Variants in NCAM1 observed in about 807,000 individuals in gnomAD.
NCAM1 encodes neural cell adhesion molecule 1.
A neutral mutation model predicts 109.8 loss-of-function variants in NCAM1; 14 were observed. The observed-to-expected ratio is 0.13, with a 90% CI of 0.08 to 0.20. The LOEUF (loss-of-function observed/expected upper bound fraction) is 0.20, where lower values mean the gene tolerates loss of function less well. Ranked by LOEUF, NCAM1 falls within the 10% of genes least tolerant of loss-of-function variation. The pLI is 1.00. For synonymous variants in NCAM1, 418 were observed against 442.9 expected, an observed-to-expected ratio of 0.94 and a Z score of 0.70; for missense variants, 774 against 1,109.9, an observed-to-expected ratio of 0.70 and a Z score of 4.30.
Position 113,231,681 on chromosome 11 carries a change from C to T in NCAM1, c.1126C>T (p.Arg376Cys), listed in dbSNP as rs974871438. ...DGHMVVRSHA[R>C]VSSLTLKSIQ... ...GCACATGGTGGTGCGTAGCCATGCCCGTGTGTCGTCGCTGACCCTGAAGAG... is the reference window on the plus strand; with the variant it reads ...GCACATGGTGGTGCGTAGCCATGCCTGTGTGTCGTCGCTGACCCTGAAGAG... The change falls in exon 10 of 20, where the codon CGT (arginine) becomes TGT (cysteine). Residue 376 changes from arginine to cysteine, a missense_variant. By Grantham distance (180) the Arg-to-Cys change is radical. Transcript: ENST00000316851. 8 of 1,613,786 alleles carry T rather than the reference C, an allele frequency of 5.0e-6. No individual in the cohort carries two copies. Among genetic ancestry groups the T allele is most frequent in the South Asian group, 1.1e-5 (1 of 91,074 alleles).
chr11:113,160,196 T>G (rs1942553702), intron 1 of NCAM1, among the ~76,000 whole-genome samples: 1 of 152,144 alleles, frequency 6.6e-6, no homozygotes, highest in Non-Finnish European at 1.5e-5. Context: ...CTGAGCTTCC[T>G]AGGGCAGTCT....
intron 1 of NCAM1, among the ~76,000 whole-genome samples, chr11:113,013,160 C>T (rs185206842): frequency 1.3e-5 from 2 of 152,080 alleles, no homozygotes; most frequent in East Asian, 1.9e-4. Flanking sequence ...GGTGCAGAGG[C>T]TCACACCTGT....
chr11:113,192,498 A>G (rs1943712453), intron 1 of NCAM1, among the ~76,000 whole-genome samples: 1 of 152,180 alleles, frequency 6.6e-6, no homozygotes, highest in South Asian at 2.1e-4. Flanking sequence ...GAGGCACTGG[A>G]TGGATTAATC....
chr11:113,096,176 C>T (rs1485127366), intron 1 of NCAM1, among the ~76,000 whole-genome samples: 1 of 152,050 alleles, frequency 6.6e-6, no homozygotes, highest in African/African-American at 2.4e-5. Flanking sequence ...GAGAAGTGGG[C>T]ACTTACCTAA....
intron 1 of NCAM1, among the ~76,000 whole-genome samples, chr11:113,184,684 T>C (rs1164575912): frequency 6.6e-6 from 1 of 152,134 alleles, no homozygotes; most frequent in East Asian, 1.9e-4. Flanking sequence ...CTGTGGGAGC[T>C]TTGGACATGA....
At chr11:113,056,467 A>G (rs1555082594) in intron 1 of NCAM1, among the ~76,000 whole-genome samples, 1 of 152,228 alleles carries the variant, frequency 6.6e-6, no homozygotes, top group Non-Finnish European at 1.5e-5. Context: ...TGATCATTAC[A>G]CATTGTATTC....
At chr11:113,253,963 C>T (rs1010924719) in intron 15 of NCAM1, among the ~76,000 whole-genome samples, 12 of 152,188 alleles carry the variant, frequency 7.9e-5, no homozygotes, top group African/African-American at 2.4e-4. Flanking sequence ...GAGTTGGTCA[C>T]CCCAATTTAA....
intron 1 of NCAM1, among the ~76,000 whole-genome samples, chr11:113,158,462 G>A (rs1258933418): frequency 1.3e-5 from 2 of 152,220 alleles, no homozygotes; most frequent in African/African-American, 2.4e-5. Context: ...CACAGCAGAA[G>A]TGCTCTATTC....
rs1555127076 is a variant in NCAM1, at chr11:113,278,157, A to ACTC, written c.*2771_*2773dup. 1 of 152,048 alleles carries ACTC rather than the reference A, an allele frequency of 6.6e-6. No individual in the cohort carries two copies. The highest frequency in any genetic ancestry group is 6.6e-5 in the Admixed American group (1 of 15,262). 9.4% of individuals were successfully genotyped at this position (152,048 alleles called of 1,614,324 possible). Reference sequence around the variant, plus strand: ...TATATAGTGCAGCTTTGGAGGTGGAACTCTATTTTCACACTTTTCTATGGA... The same window carrying ACTC: ...TATATAGTGCAGCTTTGGAGGTGGAACTCCTCTATTTTCACACTTTTCTATGGA... On this transcript the variant is annotated 3_prime_UTR_variant, in exon 20 of 20. Transcript: ENST00000316851.
At chr11:112,968,605 C>T (rs182897976) in intron 1 of NCAM1, among the ~76,000 whole-genome samples, 51 of 152,248 alleles carry the variant, frequency 3.3e-4, no homozygotes, top group Admixed American at 2.9e-3. Flanking sequence ...AAACGTACAT[C>T]GTCCCTGTTT....
chr11:113,041,469 C>A (rs1953069223), intron 1 of NCAM1, among the ~76,000 whole-genome samples: 1 of 151,072 alleles, frequency 6.6e-6, no homozygotes, highest in African/African-American at 2.4e-5. Context: ...GGGTAGCATG[C>A]TGGTATATAG....
At chr11:113,086,329 T>C (rs1253808462) in intron 1 of NCAM1, among the ~76,000 whole-genome samples, 2 of 152,236 alleles carry the variant, frequency 1.3e-5, no homozygotes, top group Non-Finnish European at 2.9e-5. Flanking sequence ...ATGCTTTTGG[T>C]GAACATTTTT....
chr11:113,193,852 A>G (rs782807332), intron 1 of NCAM1, among the ~76,000 whole-genome samples: 10 of 152,150 alleles, frequency 6.6e-5, no homozygotes, highest in Non-Finnish European at 4.4e-5. Context: ...AACCAGAAGC[A>G]CAGGATGCTG....
chr11:113,229,694 C>T (rs187844432), intron 9 of NCAM1, among the ~76,000 whole-genome samples: 2 of 152,310 alleles, frequency 1.3e-5, no homozygotes, highest in African/African-American at 4.8e-5. Flanking sequence ...AAATGTCCAT[C>T]AATGACAGAC....
intron 1 of NCAM1, among the ~76,000 whole-genome samples, chr11:112,976,733 A>T (rs1360292545): frequency 6.6e-6 from 1 of 151,914 alleles, no homozygotes; most frequent in African/African-American, 2.4e-5. Context: ...TTAGACCATG[A>T]TAGGTATTGA....
chr11:113,235,201 CCTT>C lies in NCAM1; in HGVS notation c.1825+43_1825+45del, dbSNP rs1555118047. 4.3e-6 allele frequency: 7 copies of C among 1,613,632 alleles called. No homozygotes were observed. The East Asian group carries it at 6.7e-5, about 15-fold the overall frequency. ...CAGCTGCCCCCCTTTTCCCAGCCCA[CCTT>C]CTTCTCCCTGGGGGCAGTGGGGAAC... On this transcript the variant is annotated intron_variant, in intron 14 of 19. Transcript: ENST00000316851.
intron 1 of NCAM1, among the ~76,000 whole-genome samples, chr11:113,184,496 C>T (rs1943433205): frequency 6.6e-6 from 1 of 152,154 alleles, no homozygotes; most frequent in Admixed American, 6.5e-5. Flanking sequence ...TGATTTATAG[C>T]TAACTCAGAA....
chr11:113,043,890 C>T (rs782508104), intron 1 of NCAM1, among the ~76,000 whole-genome samples: 163 of 152,070 alleles, frequency 1.1e-3, no homozygotes, highest in African/African-American at 3.8e-3. Context: ...TCTGCAGGTG[C>T]TCTGCAAGTG....
At chr11:113,020,151 A>G (rs1202793292) in intron 1 of NCAM1, among the ~76,000 whole-genome samples, 2 of 152,180 alleles carry the variant, frequency 1.3e-5, no homozygotes, top group Admixed American at 1.3e-4. Context: ...CTCCCTTGTC[A>G]ACAATGTTTT....
Sources: gnomAD v4.1 joint callset for allele counts (sites outside exome capture counted in the v4.1 genomes callset) on GRCh38, gnomAD v4.1.1 for gene constraint, MANE v1.5 for transcripts, NCBI Gene and HGNC (gene_info 2026-07-23, HGNC 2026-07-21) for gene names.